Variants in RAD23A observed in about 807,000 individuals in gnomAD.
RAD23A encodes the protein lysine-specific demethylase RAD23A.
RAD23A carries 16 observed loss-of-function variants against 44.8 expected under a neutral mutation model. The observed-to-expected ratio is 0.36, with a 90% CI of 0.24 to 0.54. RAD23A has a LOEUF of 0.54. Among genes scored for constraint, RAD23A ranks in the 20% least tolerant of loss-of-function variants. RAD23A has a pLI of 0.89. For missense variants in RAD23A, 380 were observed against 483.3 expected (o/e 0.79, Z 2.00); for synonymous variants, 217 against 202.9 (o/e 1.07, Z -0.59).
chr19:12,952,676 C>A lies in RAD23A; in HGVS notation c.814-13C>A. 6.2e-7 allele frequency: 1 copy of A among 1,603,928 alleles called. No homozygotes were observed. Among genetic ancestry groups the A allele is most frequent in the South Asian group, 1.1e-5 (1 of 90,806 alleles). ...GCTGTGAATTACCTTCCCTTCCCCACCCTCTCCTGCAGCAAATCAGCCGGC... is the reference window on the plus strand; with the variant it reads ...GCTGTGAATTACCTTCCCTTCCCCAACCTCTCCTGCAGCAAATCAGCCGGC... On this transcript the variant is annotated splice_polypyrimidine_tract_variant and intron_variant, in intron 7 of 8. Transcript: ENST00000586534.
Position 12,948,548 on chromosome 19 carries a change from G to A in RAD23A, c.468G>A (p.Thr156=), listed in dbSNP as rs957261805. ...SSGREEDAAS[T]LVTGSEYETM... is the part of the protein sequence containing the mutation. Reference sequence around the variant, plus strand: ...GGCGAGAGGAAGACGCGGCCTCCACGCTAGGTGGGTGGGTGGTCCCCAGGG... The same window carrying A: ...GGCGAGAGGAAGACGCGGCCTCCACACTAGGTGGGTGGGTGGTCCCCAGGG... The change falls in exon 4 of 9, where the codon ACG becomes ACA. Residue 156 remains threonine (T), a synonymous_variant. Transcript: ENST00000586534. The surrounding 1 kb of genome is among the most constrained non-coding windows in gnomAD (Gnocchi z 5.5). 1.1e-5 allele frequency: 18 copies of A among 1,593,806 alleles called. No individual in the cohort carries two copies. The highest frequency in any genetic ancestry group is 1.5e-5 in the Non-Finnish European group (18 of 1,169,466).
rs184518069 is a variant in RAD23A at position 12,953,386 on chromosome 19, A to G, written c.*337A>G. Reference sequence around the variant, plus strand: ...GGCTGCTTGCCTCTCCATCCTCCGAAAAACCCCTGAGGACCCCCCCCCATC... The same window carrying G: ...GGCTGCTTGCCTCTCCATCCTCCGAGAAACCCCTGAGGACCCCCCCCCATC... On this transcript the variant is annotated 3_prime_UTR_variant, in exon 9 of 9. Transcript: ENST00000586534. 5.7e-6 allele frequency: 1 copy of G among 176,780 alleles called. No homozygotes were observed. Among genetic ancestry groups the G allele is most frequent in the East Asian group, 1.5e-4 (1 of 6,842 alleles). 11.0% of individuals were successfully genotyped at this position (176,780 alleles called of 1,614,324 possible).
In RAD23A at chr19:12,948,049, C is replaced by T. The variant is rs1206001369; in HGVS notation, c.234+40C>T. On this transcript the variant is annotated intron_variant, in intron 2 of 8. Transcript: ENST00000586534. This position sits in a 1 kb window ranked among gnomAD's most constrained non-coding sequence, Gnocchi z 5.5. ...CTGGCTGGGAGGGTGGGTGGACGAG[C>T]TGGGGAGCTGGCAAAGAGCCTGTGT... The T allele has an allele frequency of 2.5e-6, 4 of 1,609,382 alleles. No homozygotes were observed. The highest frequency in any genetic ancestry group is 3.4e-6 in the Non-Finnish European group (4 of 1,178,108).
intron 7 of RAD23A, among the ~76,000 whole-genome samples, chr19:12,952,142 C>A (rs993889227): frequency 6.6e-6 from 1 of 152,114 alleles, no homozygotes; most frequent in Non-Finnish European, 1.5e-5. Flanking sequence ...AGGCTGGTCT[C>A]GAACTCCAGG....
At chr19:12,946,071 G>C in intron 1 of RAD23A, 51 bp downstream of exon 1, 1 of 1,306,836 alleles carries the variant, frequency 7.7e-7, no homozygotes, top group Non-Finnish European at 1.1e-6. Context: ...TTCGGGGGTG[G>C]GGTGGGGGCG....
In RAD23A at chr19:12,953,203, C is replaced by A; in HGVS notation, c.*154C>A. 1 of 554,010 alleles carries A rather than the reference C, an allele frequency of 1.8e-6. No homozygotes were observed. Among genetic ancestry groups the A allele is most frequent in the Non-Finnish European group, 3.0e-6 (1 of 335,022 alleles). The allele number at this position is 554,010 out of a possible 1,614,324, so 34.3% of individuals were successfully genotyped here. A position where few individuals can be genotyped will look rare whatever the true frequency, so the allele number is the denominator to read the frequency against. ...CAAGCAAACAGTCCAGCTTCCTGTC[C>A]TCCTAAAGTGGCCCCTGTTCCCATC... On this transcript the variant is annotated 3_prime_UTR_variant, in exon 9 of 9. Transcript: ENST00000586534.
chr19:12,948,158 C>T lies in RAD23A; in HGVS notation c.235-19C>T, dbSNP rs1212189246. ...TGATAGGGTTGCTGATGCCAGCTCCCTTTTTCTTGCTGTTGCAGACCAAAG... is the reference window on the plus strand; with the variant it reads ...TGATAGGGTTGCTGATGCCAGCTCCTTTTTTCTTGCTGTTGCAGACCAAAG... On this transcript the variant is annotated intron_variant, in intron 2 of 8. Transcript: ENST00000586534. This position sits in a 1 kb window ranked among gnomAD's most constrained non-coding sequence, Gnocchi z 5.5. The T allele has an allele frequency of 1.2e-6, 2 of 1,613,960 alleles. No homozygotes were observed. The highest frequency in any genetic ancestry group is 1.7e-6 in the Non-Finnish European group (2 of 1,179,970).
chr19:12,952,730 C>T lies in RAD23A; in HGVS notation c.855C>T (p.Asn285=), dbSNP rs758550253. 10 of 1,612,508 alleles carry T rather than the reference C, an allele frequency of 6.2e-6. No homozygotes were observed. Among genetic ancestry groups the T allele is most frequent in the East Asian group, 2.2e-5 (1 of 44,888 alleles). ...RHQEQFIQML[N]EPPGELADIS... ...AGGAGCAGTTCATCCAGATGCTGAA[C>T]GAGCCCCCTGGGGAGCTGGCGGACA... The change falls in exon 8 of 9, where the codon AAC becomes AAT. Residue 285 remains asparagine (N), a synonymous_variant. Coordinates refer to ENST00000586534, the MANE Select transcript of RAD23A (RefSeq NM_005053.4).
In RAD23A at chr19:12,947,743, C is replaced by T. The variant is rs750420719; in HGVS notation, c.73-105C>T. 21 of 1,101,024 alleles carry T rather than the reference C, an allele frequency of 1.9e-5. No individual in the cohort carries two copies. In the East Asian group the frequency reaches 2.6e-4, roughly 14 times the overall value. The allele number at this position is 1,101,024 out of a possible 1,614,324, so 68.2% of individuals were successfully genotyped here. A position where few individuals can be genotyped will look rare whatever the true frequency, so the allele number is the denominator to read the frequency against. ...TGCTGAGAAAGCTTAAAAAACCCAG[C>T]GTGCTTGCCTTTCTGCCATCAGGGC... is the stretch of plus-strand genomic sequence containing the variant. On this transcript the variant is annotated intron_variant, in intron 1 of 8. Coordinates refer to ENST00000586534, the MANE Select transcript of RAD23A (RefSeq NM_005053.4).
rs775193985 is a variant in RAD23A, at chr19:12,948,834, C to G, written c.600+21C>G. 1.3e-6 allele frequency: 2 copies of G among 1,582,804 alleles called. No individual in the cohort carries two copies. The highest frequency in any genetic ancestry group is 2.3e-5 in the South Asian group (2 of 87,126). On this transcript the variant is annotated intron_variant, in intron 5 of 8. Transcript: ENST00000586534. This position sits in a 1 kb window ranked among gnomAD's most constrained non-coding sequence, Gnocchi z 5.5. ...TCACGGTGAGGTGGGGCTTCCGCCT[C>G]CCGGGGAGGCCTTGAGGGAGTACCC...
chr19:12,947,693 G>T lies in RAD23A; in HGVS notation c.73-155G>T, dbSNP rs1392129939. Among the ~76,000 whole-genome samples the T allele has an allele frequency of 2.6e-5, 4 of 152,314 alleles. No individual in the cohort carries two copies. The East Asian group carries it at 7.7e-4, about 29-fold the overall frequency. ...GTGTTGAATGGCATGATGATTGAAT[G>T]AATTCAAATCTAGCATGCTTTAGAT... On this transcript the variant is annotated intron_variant, in intron 1 of 8. Transcript: ENST00000586534.
In RAD23A at chr19:12,948,525, C is replaced by T. The variant is rs1055842383; in HGVS notation, c.445C>T (p.Arg149Ter). 2.5e-6 allele frequency: 4 copies of T among 1,595,376 alleles called. No individual in the cohort carries two copies. The highest frequency in any genetic ancestry group is 1.7e-4 in the Middle Eastern group (1 of 5,970). ...TGTTCCCTCTTCAGGTAGCAGCGGG[C>T]GAGAGGAAGACGCGGCCTCCACGCT... is the stretch of plus-strand genomic sequence containing the variant. ...GSVPSSGSSGREEDAASTLVT... is the reference protein window; with the variant it reads ...GSVPSSGSSG The change falls in exon 4 of 9, where the codon CGA becomes TGA. Residue 149 changes from arginine to a stop codon, truncating the protein, a stop_gained. Transcript: ENST00000586534. LOFTEE classifies it high-confidence loss of function. This position sits in a 1 kb window ranked among gnomAD's most constrained non-coding sequence, Gnocchi z 5.5.
At chr19:12,946,080 C>CG (rs1971664264) in intron 1 of RAD23A, 60 bp downstream of exon 1, 12 of 198,778 alleles carry the variant, frequency 6.0e-5, no homozygotes, top group South Asian at 1.1e-4. Context: ...GGGGTGGGGG[C>CG]GGGGAGGCTA....
intron 1 of RAD23A, among the ~76,000 whole-genome samples, chr19:12,946,265 C>G (rs944138372): frequency 1.3e-5 from 2 of 152,190 alleles, no homozygotes; most frequent in South Asian, 4.1e-4. Context: ...GGCCAGGCCC[C>G]GGCTCCAATG....
At chr19:12,949,188 C>T in intron 6 of RAD23A, 29 bp downstream of exon 6, 1 of 1,614,118 alleles carries the variant, frequency 6.2e-7, no homozygotes, top group Non-Finnish European at 8.5e-7. Context: ...CATCTGCCCT[C>T]CAGGTACCTG....
intron 1 of RAD23A, among the ~76,000 whole-genome samples, chr19:12,946,916 TG>T (rs1971687645): frequency 6.6e-6 from 1 of 152,142 alleles, no homozygotes; most frequent in African/African-American, 2.4e-5. Context: ...AAATATCAAA[TG>T]AACCGGTCGC....
chr19:12,953,307 C>T lies in RAD23A; in HGVS notation c.*258C>T. On this transcript the variant is annotated 3_prime_UTR_variant, in exon 9 of 9. Coordinates refer to ENST00000586534, the MANE Select transcript of RAD23A (RefSeq NM_005053.4). ...AGAAGCTGGCAGGACTGGGAGGCGA[C>T]AGATGGGCCCCTCTTGGCCTCTGTC... The T allele has an allele frequency of 3.2e-6, 1 of 313,720 alleles. No individual in the cohort carries two copies. Among genetic ancestry groups the T allele is most frequent in the Non-Finnish European group, 5.7e-6 (1 of 176,130 alleles). The allele number at this position is 313,720 out of a possible 1,614,324, so 19.4% of individuals were successfully genotyped here. A position where few individuals can be genotyped will look rare whatever the true frequency, so the allele number is the denominator to read the frequency against.
intron 7 of RAD23A, 83 bp from the exon 8 acceptor site, chr19:12,952,606 G>T: frequency 6.9e-7 from 1 of 1,447,652 alleles, no homozygotes; most frequent in South Asian, 1.3e-5. Context: ...CTGACTGAAT[G>T]AAAAAGCAAG....
intron 1 of RAD23A, among the ~76,000 whole-genome samples, 192 bp downstream of exon 1, chr19:12,946,212 CT>C (rs1971669570): frequency 6.6e-6 from 1 of 152,192 alleles, no homozygotes. Flanking sequence ...TCGGGCGGCG[CT>C]CCTGCGCCGG....
Sources: allele counts gnomAD v4.1 joint callset (sites outside exome capture counted in the v4.1 genomes callset), GRCh38; gene constraint gnomAD v4.1.1; non-coding constraint Gnocchi (gnomAD v3.1); transcripts MANE v1.5; gene names NCBI Gene and HGNC (gene_info 2026-07-23, HGNC 2026-07-21).